The following PDZRN3 variants were observed in gnomAD, a reference collection of about 807,000 sequenced individuals.
PDZRN3 encodes the protein PDZ domain containing ring finger 3.
PDZRN3 carries 38 observed loss-of-function variants against 85.7 expected under a neutral mutation model. That is an observed-to-expected ratio of 0.44 (90% CI 0.34 to 0.58). The LOEUF is 0.58. Ranked by LOEUF, PDZRN3 falls within the 20% of genes least tolerant of loss-of-function variation. The pLI is 0.01. For synonymous variants in PDZRN3, 759 were observed against 638.0 expected (o/e 1.19, Z -2.86); for missense variants, 1,629 against 1,506.4 (o/e 1.08, Z -1.35).
chr3:73,600,580 T>C (rs922252456), intron 3 of PDZRN3, among the ~76,000 whole-genome samples: 5 of 152,136 alleles, frequency 3.3e-5, no homozygotes, highest in African/African-American at 7.2e-5. Context: ...GATTAATATT[T>C]TACATACTGT....
intron 3 of PDZRN3, among the ~76,000 whole-genome samples, chr3:73,469,516 C>T (rs751105828): frequency 6.6e-6 from 1 of 152,192 alleles, no homozygotes; most frequent in Non-Finnish European, 1.5e-5. Context: ...TAGTGAAATT[C>T]ACCAACACTC....
At chr3:73,438,429 G>A (rs1702571632) in intron 3 of PDZRN3, among the ~76,000 whole-genome samples, 1 of 152,130 alleles carries the variant, frequency 6.6e-6, no homozygotes, top group Non-Finnish European at 1.5e-5. Flanking sequence ...ATACAACCTT[G>A]TTTTCTCTAT....
At chr3:73,565,322 G>T (rs1701922577) in intron 3 of PDZRN3, among the ~76,000 whole-genome samples, 1 of 151,820 alleles carries the variant, frequency 6.6e-6, no homozygotes, top group Non-Finnish European at 1.5e-5. Flanking sequence ...TAGAGACGGG[G>T]TTTCACTATT....
At chr3:73,479,927 G>A (rs1463183067) in intron 3 of PDZRN3, among the ~76,000 whole-genome samples, 1 of 152,224 alleles carries the variant, frequency 6.6e-6, no homozygotes, top group Non-Finnish European at 1.5e-5. Context: ...TAGATTAGCT[G>A]CAAGGGACAG....
intron 5 of PDZRN3, among the ~76,000 whole-genome samples, chr3:73,396,483 C>T (rs2106707096): frequency 6.6e-6 from 1 of 152,262 alleles, no homozygotes; most frequent in Admixed American, 6.5e-5. Context: ...AGATCTATTC[C>T]TTGTCCTGTG....
At chr3:73,393,599 TAAAC>T (rs1701573360) in intron 5 of PDZRN3, among the ~76,000 whole-genome samples, 1 of 152,166 alleles carries the variant, frequency 6.6e-6, no homozygotes, top group South Asian at 2.1e-4. Context: ...GACTGAAAAG[TAAAC>T]AAACCAGCCA....
intron 3 of PDZRN3, among the ~76,000 whole-genome samples, chr3:73,595,275 A>G (rs1702415873): frequency 6.6e-6 from 1 of 152,236 alleles, no homozygotes; most frequent in Admixed American, 6.5e-5. Flanking sequence ...TCAAAACAGA[A>G]TATTTGGGTA....
chr3:73,554,365 CACACACACACA>C (rs1341478139), intron 3 of PDZRN3, among the ~76,000 whole-genome samples: 1 of 132,530 alleles, frequency 7.5e-6, no homozygotes, highest in African/African-American at 3.1e-5. Context: ...CACACACACA[CACACACACACA>C]CACACACACT....
chr3:73,444,807 A>G (rs1376816081), intron 3 of PDZRN3, among the ~76,000 whole-genome samples: 1 of 152,188 alleles, frequency 6.6e-6, no homozygotes, highest in Non-Finnish European at 1.5e-5. Flanking sequence ...AAAAGGCACA[A>G]TCTGAGCTGG....
At chr3:73,435,056 T>C (rs1171493883) in intron 3 of PDZRN3, among the ~76,000 whole-genome samples, 1 of 152,246 alleles carries the variant, frequency 6.6e-6, no homozygotes, top group Non-Finnish European at 1.5e-5. Context: ...AAGGTTTAAC[T>C]GTCTCCGGGG....
chr3:73,619,988 T>C (rs1007330162), intron 1 of PDZRN3, among the ~76,000 whole-genome samples: 2 of 152,168 alleles, frequency 1.3e-5, no homozygotes, highest in African/African-American at 2.4e-5. Flanking sequence ...TTGATACTAC[T>C]TGGAAAGCGC....
chr3:73,536,359 G>A (rs1704785584), intron 3 of PDZRN3, among the ~76,000 whole-genome samples: 1 of 152,238 alleles, frequency 6.6e-6, no homozygotes, highest in Admixed American at 6.5e-5. Flanking sequence ...ATGGTGGAGT[G>A]TGTCCCACAA....
At chr3:73,386,490 G>A (rs1701390199) in intron 8 of PDZRN3, among the ~76,000 whole-genome samples, 1 of 152,100 alleles carries the variant, frequency 6.6e-6, no homozygotes, top group Non-Finnish European at 1.5e-5. Flanking sequence ...CACTGAGCCT[G>A]GCTGGATATC....
chr3:73,412,017 G>A (rs1373557490), intron 3 of PDZRN3, among the ~76,000 whole-genome samples: 2 of 152,212 alleles, frequency 1.3e-5, no homozygotes, highest in Non-Finnish European at 2.9e-5. Context: ...CGCATCTGCA[G>A]ACATTTCATT....
intron 3 of PDZRN3, among the ~76,000 whole-genome samples, chr3:73,473,484 T>C (rs1316491164): frequency 1.3e-5 from 2 of 151,254 alleles, no homozygotes; most frequent in East Asian, 1.9e-4. Context: ...AAAACAGAAA[T>C]TGGAGATACA....
chr3:73,469,564 A>AG (rs1363137845), intron 3 of PDZRN3, among the ~76,000 whole-genome samples: 1 of 152,192 alleles, frequency 6.6e-6, no homozygotes, highest in Non-Finnish European at 1.5e-5. Context: ...CCGTTCATGT[A>AG]GGGGTCAGCC....
Position 73,452,058 on chromosome 3 carries a change from A to G in PDZRN3, c.919-47663T>C, listed in dbSNP as rs189767819. On this transcript the variant is annotated intron_variant, in intron 3 of 9. Coordinates refer to ENST00000263666, the MANE Select transcript of PDZRN3 (RefSeq NM_015009.3). ...CCTGCTATGTCTTTATGGGCTAGTT[A>G]GCTCAGCTATGGGCTAATTAGCTCA... 2.6e-5 allele frequency among the ~76,000 whole-genome samples: 4 copies of G among 152,284 alleles called. No individual in the cohort carries two copies. The East Asian group carries it at 7.7e-4, about 29-fold the overall frequency.
rs150341454 is a variant in PDZRN3 at position 73,384,944 on chromosome 3, A to T, written c.1636-14T>A. On this transcript the variant is annotated splice_polypyrimidine_tract_variant and intron_variant, in intron 9 of 9. Transcript: ENST00000263666. ...GTCGTGCTTCTTCTGCATAAACACA[A>T]GAACAAAGGGTCACAGTGAGGGAGG... 1 of 1,578,810 alleles carries T rather than the reference A, an allele frequency of 6.3e-7. No homozygotes were observed. The highest frequency in any genetic ancestry group is 8.6e-7 in the Non-Finnish European group (1 of 1,162,214).
chr3:73,436,714 T>C (rs933761368), intron 3 of PDZRN3, among the ~76,000 whole-genome samples: 2 of 152,200 alleles, frequency 1.3e-5, no homozygotes, highest in Non-Finnish European at 2.9e-5. Context: ...GCAGTGGTTC[T>C]CTAACATTTT....
Sources: allele counts gnomAD v4.1 joint callset (sites outside exome capture counted in the v4.1 genomes callset), GRCh38; gene constraint gnomAD v4.1.1; transcripts MANE v1.5; gene names NCBI Gene and HGNC (gene_info 2026-07-23, HGNC 2026-07-21).